The following RALGPS1 variants were observed in gnomAD, a reference collection of about 807,000 sequenced individuals.
The protein encoded by RALGPS1 is Ral GEF with PH domain and SH3 binding motif 1, also known as ras-specific guanine nucleotide-releasing factor RalGPS1.
In RALGPS1, 19 loss-of-function variants were observed where a neutral mutation model predicts 78.8. The observed-to-expected ratio is 0.24, with a 90% CI of 0.17 to 0.35. The LOEUF (loss-of-function observed/expected upper bound fraction) is 0.35. Among genes scored for constraint, RALGPS1 ranks in the 10% least tolerant of loss-of-function variants. The probability of loss-of-function intolerance (pLI) is 1.00; values close to 1 mark genes in which losing one functional copy is unlikely to be tolerated. For synonymous variants in RALGPS1, 228 were observed against 256.3 expected, an observed-to-expected ratio of 0.89 and a Z score of 1.06; for missense variants, 454 against 688.3, an observed-to-expected ratio of 0.66 and a Z score of 3.81.
In RALGPS1 at chr9:127,040,585, G is replaced by A. The variant is rs143030758; in HGVS notation, c.300+6071G>A. ...AAAGATTGTAGCCCCAGATGGAACCGAAATTTTCTGACATAGAGCAGGTCT... is the reference window on the plus strand; with the variant it reads ...AAAGATTGTAGCCCCAGATGGAACCAAAATTTTCTGACATAGAGCAGGTCT... On this transcript the variant is annotated intron_variant, in intron 5 of 18. Transcript: ENST00000259351. Among the ~76,000 whole-genome samples the A allele has an allele frequency of 6.2e-3, 937 of 152,244 alleles. 6 individuals carry two copies. The highest frequency in any genetic ancestry group is 7.9e-3 in the Non-Finnish European group (538 of 68,012).
At chr9:126,929,515 G>A (rs2035604391) in intron 1 of RALGPS1, among the ~76,000 whole-genome samples, 1 of 150,164 alleles carries the variant, frequency 6.7e-6, no homozygotes, top group Admixed American at 6.6e-5. Context: ...GCAGTGGCGT[G>A]ATCTTAGCTC....
chr9:126,946,028 C>T (rs1371187952), intron 1 of RALGPS1, among the ~76,000 whole-genome samples: 3 of 152,076 alleles, frequency 2.0e-5, no homozygotes, highest in Non-Finnish European at 2.9e-5. Flanking sequence ...CATAGAGGGA[C>T]GGGGCGCAGC....
intron 5 of RALGPS1, 56 bp downstream of exon 5, chr9:127,034,570 G>C: frequency 6.6e-7 from 1 of 1,512,428 alleles, no homozygotes; most frequent in Non-Finnish European, 9.2e-7. Context: ...GCTGTCCCCT[G>C]TAGGCTGCGA....
intron 8 of RALGPS1, chr9:127,108,774 T>C (rs369229928): frequency 1.0e-5 from 16 of 1,543,392 alleles, no homozygotes; most frequent in African/African-American, 5.4e-5. Flanking sequence ...ATAGAATCTA[T>C]GAAAGCCTGA....
chr9:127,084,476 T>C (rs2051494904), intron 8 of RALGPS1, among the ~76,000 whole-genome samples: 1 of 152,132 alleles, frequency 6.6e-6, no homozygotes, highest in South Asian at 2.1e-4. Context: ...AAGCCTGAAT[T>C]TGTGCCTCGG....
chr9:127,087,491 C>T (rs192894514), intron 8 of RALGPS1: 119 of 152,704 alleles, frequency 7.8e-4, no homozygotes, highest in African/African-American at 2.8e-3. Flanking sequence ...AGGCACACAC[C>T]CAGACATGGA....
chr9:127,172,789 GT>G (rs1350986174), intron 10 of RALGPS1, among the ~76,000 whole-genome samples: 2 of 151,804 alleles, frequency 1.3e-5, no homozygotes, highest in African/African-American at 2.4e-5. Context: ...TTTGTAATAA[GT>G]TGTTCCACTG....
In RALGPS1 at chr9:126,920,511, T is replaced by C. The variant is rs2034643056; in HGVS notation, c.-66+5536T>C. 3.9e-5 allele frequency among the ~76,000 whole-genome samples: 6 copies of C among 152,334 alleles called. 1 individual carries two copies. In the South Asian group the frequency reaches 1.2e-3, roughly 32 times the overall value. On this transcript the variant is annotated intron_variant, in intron 1 of 18. Coordinates refer to ENST00000259351, the MANE Select transcript of RALGPS1 (RefSeq NM_014636.3). ...CTCACCTCTCCTTTCCACAGAAGTA[T>C]GGCTGCTCTCCCTTGCCTTGGGCTG...
intron 5 of RALGPS1, 77 bp from the exon 6 acceptor site, chr9:127,049,966 A>G: frequency 9.5e-7 from 1 of 1,049,950 alleles, no homozygotes; most frequent in South Asian, 1.3e-5. Flanking sequence ...GCGGTGGGCA[A>G]GGGGGACACG....
chr9:126,959,884 C>T (rs79223543), intron 1 of RALGPS1, among the ~76,000 whole-genome samples: 2,371 of 152,256 alleles, frequency 0.016, 50 homozygotes, highest in Non-Finnish European at 0.019. Flanking sequence ...GTCAGTGGTA[C>T]CCTCTAAGAT....
chr9:127,188,738 G>A (rs966727490), intron 11 of RALGPS1, among the ~76,000 whole-genome samples: 1 of 150,580 alleles, frequency 6.6e-6, no homozygotes, highest in Admixed American at 6.7e-5. Flanking sequence ...GCCTGAGATC[G>A]GTGGATCACT....
chr9:127,212,106 T>C lies in RALGPS1; in HGVS notation c.1248-25T>C, dbSNP rs1334515103. On this transcript the variant is annotated intron_variant, in intron 14 of 18. Transcript: ENST00000259351. This position sits in a 1 kb window ranked among gnomAD's most constrained non-coding sequence, Gnocchi z 6.0. ...CTTGACCTCAGCTCCTCCAGGGCGA[T>C]GTCTGACTGGTAGTCTCTCCTCAGC... 1 of 1,587,874 alleles carries C rather than the reference T, an allele frequency of 6.3e-7. No homozygotes were observed. Among genetic ancestry groups the C allele is most frequent in the Non-Finnish European group, 8.6e-7 (1 of 1,163,936 alleles).
intron 4 of RALGPS1, among the ~76,000 whole-genome samples, chr9:126,984,270 ATTT>A (rs967558043): frequency 3.9e-5 from 6 of 152,012 alleles, no homozygotes; most frequent in Non-Finnish European, 7.4e-5. Flanking sequence ...TGCTTGGCTA[ATTT>A]TTAAAAAATA....
intron 7 of RALGPS1, among the ~76,000 whole-genome samples, chr9:127,055,029 GAGA>G (rs1448415437): frequency 3.2e-4 from 47 of 145,118 alleles, no homozygotes; most frequent in African/African-American, 7.8e-4. Context: ...GAGAGAGAGA[GAGA>G]GAGAGAGAAG....
intron 5 of RALGPS1, among the ~76,000 whole-genome samples, chr9:127,041,620 G>T (rs1026283353): frequency 1.3e-5 from 2 of 152,202 alleles, no homozygotes; most frequent in Non-Finnish European, 1.5e-5. Context: ...GGTGCCTCAC[G>T]TGAGGGGTGA....
intron 1 of RALGPS1, among the ~76,000 whole-genome samples, chr9:126,940,223 TTGAG>T (rs1389388641): frequency 6.6e-6 from 1 of 152,126 alleles, no homozygotes; most frequent in Non-Finnish European, 1.5e-5. Flanking sequence ...TCCACTTCTG[TTGAG>T]TGAGTGAGTA....
intron 8 of RALGPS1, chr9:127,108,392 C>T (rs753363927): frequency 2.5e-6 from 4 of 1,608,760 alleles, no homozygotes; most frequent in Non-Finnish European, 1.7e-6. Flanking sequence ...ACAATGCCGC[C>T]GTCCACCTCC....
chr9:127,180,034 A>G lies in RALGPS1; in HGVS notation c.910+5252A>G, dbSNP rs963750309. On this transcript the variant is annotated intron_variant, in intron 11 of 18. Coordinates refer to ENST00000259351, the MANE Select transcript of RALGPS1 (RefSeq NM_014636.3). ...AAATAGGCTGTGAGAAAGGAAATGG[A>G]GAAACCTTCTCAGTTTCTGTGTCTG... is the stretch of plus-strand genomic sequence containing the variant. Among the ~76,000 whole-genome samples the G allele has an allele frequency of 3.3e-5, 5 of 152,354 alleles. No individual in the cohort carries two copies. The South Asian group carries it at 6.2e-4, about 19-fold the overall frequency.
intron 8 of RALGPS1, among the ~76,000 whole-genome samples, chr9:127,096,563 A>C (rs2053163320): frequency 1.3e-5 from 2 of 152,220 alleles, no homozygotes; most frequent in Admixed American, 1.3e-4. Flanking sequence ...TCGTGGCTCC[A>C]GCTGGGGCTG....
Sources: allele counts gnomAD v4.1 joint callset (sites outside exome capture counted in the v4.1 genomes callset), GRCh38; gene constraint gnomAD v4.1.1; non-coding constraint Gnocchi (gnomAD v3.1); transcripts MANE v1.5; gene names NCBI Gene and HGNC (gene_info 2026-07-23, HGNC 2026-07-21).